APPL1: variants seen among roughly 807,000 people sequenced by gnomAD.
APPL1 encodes DCC-interacting protein 13-alpha.
Under a neutral mutation model 106.8 loss-of-function variants are expected in APPL1, and 42 were observed. That is an observed-to-expected ratio of 0.39 (90% CI 0.31 to 0.51). APPL1 has a LOEUF of 0.51. APPL1 is among the 20% of genes least tolerant of loss of function. The pLI is 0.75. For missense variants in APPL1, 769 were observed against 858.2 expected (o/e 0.90, Z 1.30); for synonymous variants, 263 against 281.8 (o/e 0.93, Z 0.67).
At chr3:57,229,611 A>T (rs543287072) in intron 1 of APPL1, among the ~76,000 whole-genome samples, 1 of 150,264 alleles carries the variant, frequency 6.7e-6, no homozygotes, top group African/African-American at 2.5e-5. Flanking sequence ...ATCGTAGTGC[A>T]CTGTGTCCTG....
At position 57,263,180 on chromosome 3, in the gene APPL1, T is replaced by C. The variant is rs2060876678; in HGVS notation, c.1842+2406T>C. Among the ~76,000 whole-genome samples the C allele has an allele frequency of 2.6e-5, 4 of 152,250 alleles. No homozygotes were observed. In the South Asian group the frequency reaches 6.2e-4, roughly 24 times the overall value. On this transcript the variant is annotated intron_variant, in intron 19 of 21. Coordinates refer to ENST00000288266, the MANE Select transcript of APPL1 (RefSeq NM_012096.3). ...GTATATATTTATGCAGTACATGAAA[T>C]ATTTTGCTACACTTATGCAATGCGT...
At chr3:57,269,356 G>A in intron 21 of APPL1, 185 bp from the exon 22 acceptor site, 1 of 519,500 alleles carries the variant, frequency 1.9e-6, no homozygotes, top group East Asian at 3.1e-5. Flanking sequence ...GCTTTTATAG[G>A]ATGGTGCCAA....
chr3:57,247,238 G>A (rs1321645955), intron 8 of APPL1, among the ~76,000 whole-genome samples, 157 bp from the exon 9 acceptor site: 1 of 152,190 alleles, frequency 6.6e-6, no homozygotes, highest in Non-Finnish European at 1.5e-5. Context: ...TCCCTGTGCA[G>A]TAGAAGTCAC....
chr3:57,263,757 C>T (rs1226840629), intron 19 of APPL1, among the ~76,000 whole-genome samples: 1 of 148,972 alleles, frequency 6.7e-6, no homozygotes, highest in East Asian at 1.9e-4. Context: ...TTTATCCATT[C>T]ATCTGTTGTT....
chr3:57,244,130 TTTGA>T lies in APPL1; in HGVS notation c.474+1220_474+1223del, dbSNP rs1464853877. The stretch of plus-strand genomic sequence containing the variant: ...GAGCACAGAGAGGGCAGCAGTTCAC[TTTGA>T]TTGGTGAATTGGGAAAGGTTACACT... On this transcript the variant is annotated intron_variant, in intron 7 of 21. Transcript: ENST00000288266. 2.6e-5 allele frequency among the ~76,000 whole-genome samples: 4 copies of T among 152,056 alleles called. No homozygotes were observed. In the East Asian group the frequency reaches 5.8e-4, roughly 22 times the overall value.
rs367747633 is a variant in APPL1, at chr3:57,238,027, C to A, written c.214-18C>A. 131 of 1,592,514 alleles carry A rather than the reference C, an allele frequency of 8.2e-5. No homozygotes were observed. Among genetic ancestry groups the A allele is most frequent in the Non-Finnish European group, 1.1e-4 (129 of 1,165,812 alleles). On this transcript the variant is annotated intron_variant, in intron 3 of 21. Coordinates refer to ENST00000288266, the MANE Select transcript of APPL1 (RefSeq NM_012096.3). ...ACACAGCATTGAAACTTTACCTCAT[C>A]TGTTTCTTGCTTTTCAGCGTTTTCC...
rs767346371 is a variant in APPL1 at position 57,260,637 on chromosome 3, C to T, written c.1705C>T (p.Pro569Ser). ...TQVTRLTFPL[P>S]CVVLYATHQE... ...ATGTTTTCTGTGGCAGTTTCCATTA[C>T]CTTGTGTAGTTTTGTATGCTACACA... is the stretch of plus-strand genomic sequence containing the variant. Residue 569 changes from proline (P) to serine (S), a missense_variant, in exon 19 of 22, where the codon CCT (proline) becomes TCT (serine). By Grantham distance (74) the Pro-to-Ser change is moderately conservative (BLOSUM62 -1). Transcript: ENST00000288266. 1 of 1,607,632 alleles carries T rather than the reference C, an allele frequency of 6.2e-7. No homozygotes were observed. Among genetic ancestry groups the T allele is most frequent in the South Asian group, 1.1e-5 (1 of 90,020 alleles).
chr3:57,271,078 A>C lies in APPL1; in HGVS notation c.*1391A>C, dbSNP rs1043621455. ...TACTTTACATAGTCACACATTTACAAATTTTTCAAGAGGTTAGCCACTAAG... is the reference window on the plus strand; with the variant it reads ...TACTTTACATAGTCACACATTTACACATTTTTCAAGAGGTTAGCCACTAAG... On this transcript the variant is annotated 3_prime_UTR_variant, in exon 22 of 22. Coordinates refer to ENST00000288266, the MANE Select transcript of APPL1 (RefSeq NM_012096.3). The C allele has an allele frequency of 6.6e-6, 1 of 152,314 alleles. No homozygotes were observed. Among genetic ancestry groups the C allele is most frequent in the Admixed American group, 6.5e-5 (1 of 15,274 alleles). The allele number at this position is 152,314 out of a possible 1,614,324, so 9.4% of individuals were successfully genotyped here.
chr3:57,240,485 G>A lies in APPL1; in HGVS notation c.306G>A (p.Val102=). The change falls in exon 5 of 22, where the codon GTG becomes GTA. Residue 102 remains valine, a synonymous_variant. Coordinates refer to ENST00000288266, the MANE Select transcript of APPL1 (RefSeq NM_012096.3). ...TCTAGCTTAGCTCTTGTCATGCAGT[G>A]CTTTCAACTCAACTTGCTGATGCCA... ...VIDELSSCHA[V]LSTQLADAMM... 1 of 1,613,768 alleles carries A rather than the reference G, an allele frequency of 6.2e-7. No homozygotes were observed. The highest frequency in any genetic ancestry group is 2.2e-5 in the East Asian group (1 of 44,860).
chr3:57,259,848 C>A lies in APPL1; in HGVS notation c.1487C>A (p.Ser496Tyr), dbSNP rs1483040254. The change falls in exon 17 of 22, where the codon TCT (serine) becomes TAT (tyrosine). Residue 496 changes from serine to tyrosine, a missense_variant. Transcript: ENST00000288266. ...AATACACCTTGTTCTATTATAGATT[C>A]TATTCTTCATCAGTTATTTATTGTC... ...GGSTKSETED[S>Y]ILHQLFIVRF... is the part of the protein sequence containing the mutation. 5 of 1,586,278 alleles carry A rather than the reference C, an allele frequency of 3.2e-6. No individual in the cohort carries two copies. The South Asian group carries it at 3.5e-5, about 11-fold the overall frequency.
At chr3:57,269,327 G>T in intron 21 of APPL1, 1 of 468,486 alleles carries the variant, frequency 2.1e-6, no homozygotes. Flanking sequence ...TAAAATATTA[G>T]ATTTTAGTTT....
At chr3:57,254,844 T>C (rs9835315) in intron 13 of APPL1, among the ~76,000 whole-genome samples, 79,333 of 152,066 alleles carry the variant, frequency 0.52, 21,242 homozygotes, top group East Asian at 0.86. Flanking sequence ...AGGCTGGTCT[T>C]GAACTTCCAA....
intron 19 of APPL1, among the ~76,000 whole-genome samples, chr3:57,262,909 G>A (rs2060874992): frequency 6.7e-6 from 1 of 149,974 alleles, no homozygotes; most frequent in East Asian, 2.0e-4. Flanking sequence ...GGAGTGCAAT[G>A]GCGCGATCTT....
rs745625690 is a variant in APPL1, at chr3:57,269,653, G to T, written c.2096G>T (p.Gly699Val). 6.2e-7 allele frequency: 1 copy of T among 1,613,968 alleles called. No homozygotes were observed. The highest frequency in any genetic ancestry group is 8.5e-7 in the Non-Finnish European group (1 of 1,179,874). The change falls in exon 22 of 22, where the codon GGA (glycine) becomes GTA (valine). Residue 699 changes from glycine (G) to valine (V), a missense_variant. Physicochemically the swap from Gly to Val is moderately radical, Grantham distance 109 (BLOSUM62 -3). Coordinates refer to ENST00000288266, the MANE Select transcript of APPL1 (RefSeq NM_012096.3). Reference sequence around the variant, plus strand: ...AGCCAGTCAGAAGAGAGTGATTTGGGAGAAGGAGGAAAGAAGAGAGAATCA... The same window carrying T: ...AGCCAGTCAGAAGAGAGTGATTTGGTAGAAGGAGGAAAGAAGAGAGAATCA... ...SSSQSEESDLGEGGKKRESEA is the reference protein window; with the variant it reads ...SSSQSEESDLVEGGKKRESEA
Position 57,260,633 on chromosome 3 carries a change from A to C in APPL1, c.1701A>C (p.Pro567=). Residue 567 remains proline, a synonymous_variant, in exon 19 of 22, where the codon CCA becomes CCC. Coordinates refer to ENST00000288266, the MANE Select transcript of APPL1 (RefSeq NM_012096.3). ...TCTGATGTTTTCTGTGGCAGTTTCC[A>C]TTACCTTGTGTAGTTTTGTATGCTA... is the stretch of plus-strand genomic sequence containing the variant. ...PQTQVTRLTF[P]LPCVVLYATH... The C allele has an allele frequency of 6.2e-7, 1 of 1,605,864 alleles. No individual in the cohort carries two copies. Among genetic ancestry groups the C allele is most frequent in the Non-Finnish European group, 8.5e-7 (1 of 1,175,318 alleles).
intron 1 of APPL1, among the ~76,000 whole-genome samples, chr3:57,232,325 C>T (rs1244398510): frequency 6.6e-6 from 1 of 152,064 alleles, no homozygotes. Flanking sequence ...GATTGGGATT[C>T]CTCTTAGAGT....
intron 13 of APPL1, among the ~76,000 whole-genome samples, chr3:57,255,620 GTTA>G (rs531591474): frequency 9.9e-5 from 15 of 152,048 alleles, no homozygotes; most frequent in Non-Finnish European, 1.9e-4. Flanking sequence ...GTTTTATAAT[GTTA>G]TTATATTTAC....
At chr3:57,265,981 A>G (rs2107611771) in intron 19 of APPL1, among the ~76,000 whole-genome samples, 1 of 152,296 alleles carries the variant, frequency 6.6e-6, no homozygotes, top group East Asian at 1.9e-4. Flanking sequence ...TATTCTGTTG[A>G]TGTGATGTAG....
intron 1 of APPL1, among the ~76,000 whole-genome samples, chr3:57,233,396 G>T (rs911002542): frequency 1.2e-4 from 18 of 151,782 alleles, no homozygotes; most frequent in Non-Finnish European, 2.2e-4. Flanking sequence ...GTTTCAACTT[G>T]CTTTGCGCTA....
Sources: gnomAD v4.1 joint callset for allele counts (sites outside exome capture counted in the v4.1 genomes callset) on GRCh38, gnomAD v4.1.1 for gene constraint, MANE v1.5 for transcripts, NCBI Gene and HGNC (gene_info 2026-07-23, HGNC 2026-07-21) for gene names.